Variants in PCDHA6 observed in about 807,000 individuals in gnomAD.
The protein encoded by PCDHA6 is protocadherin alpha-6.
PCDHA6 carries 55 observed loss-of-function variants against 60.3 expected under a neutral mutation model. That is an observed-to-expected ratio of 0.91 (90% CI 0.73 to 1.14). The LOEUF (loss-of-function observed/expected upper bound fraction) is 1.14. PCDHA6 is among the 50% of genes most tolerant of loss of function. The pLI, the probability that PCDHA6 is intolerant of heterozygous loss-of-function variation, is 0.00. For synonymous variants in PCDHA6, 652 were observed against 557.9 expected, an observed-to-expected ratio of 1.17 and a Z score of -2.38; for missense variants, 1,327 against 1,256.5, an observed-to-expected ratio of 1.06 and a Z score of -0.85.
chr5:140,884,176 T>C, intron 1 of PCDHA6: 1 of 1,613,372 alleles, frequency 6.2e-7, no homozygotes, highest in South Asian at 1.1e-5. Flanking sequence ...CGACGCGCCC[T>C]CTGGACGAGG....
At chr5:140,922,661 T>C (rs1255153267) in intron 1 of PCDHA6, among the ~76,000 whole-genome samples, 2 of 152,156 alleles carry the variant, frequency 1.3e-5, no homozygotes, top group African/African-American at 4.8e-5. Context: ...ATGGCTATAC[T>C]GCAAGCAGTA....
At position 140,835,689 on chromosome 5, in the gene PCDHA6, T is replaced by C. The variant is rs2150242026; in HGVS notation, c.2394+5204T>C. The C allele has an allele frequency of 1.2e-5, 19 of 1,613,884 alleles. No homozygotes were observed. The Middle Eastern group carries it at 6.6e-4, about 56-fold the overall frequency. ...GCGGGACGGGGGCTCGCCTTCTCTG[T>C]GGGCCACTGCTAGCGTGTCCGTGGA... On this transcript the variant is annotated intron_variant, in intron 1 of 3. Coordinates refer to ENST00000529310, the MANE Select transcript of PCDHA6 (RefSeq NM_018909.4).
At chr5:140,892,469 A>T (rs557049666) in intron 1 of PCDHA6, among the ~76,000 whole-genome samples, 1 of 152,184 alleles carries the variant, frequency 6.6e-6, no homozygotes, top group Admixed American at 6.5e-5. Context: ...ACGGTTATTC[A>T]GTTTCCTAGC....
chr5:140,924,165 C>G (rs782754845), intron 1 of PCDHA6, among the ~76,000 whole-genome samples: 5 of 152,230 alleles, frequency 3.3e-5, no homozygotes, highest in Admixed American at 1.3e-4. Context: ...ATCCTAATCT[C>G]TGGCACTGAA....
At chr5:140,847,344 C>T (rs1478232751) in intron 1 of PCDHA6, 1 of 149,742 alleles carries the variant, frequency 6.7e-6, no homozygotes, top group African/African-American at 2.4e-5. Context: ...ACCTCTTAGG[C>T]TGTTATCAGT....
chr5:140,877,561 A>G (rs1582392588), intron 1 of PCDHA6: 1 of 1,613,748 alleles, frequency 6.2e-7, no homozygotes. Flanking sequence ...GGTGGATATT[A>G]ACGTGTACCT....
At chr5:140,850,883 T>G in intron 1 of PCDHA6, 1 of 1,582,476 alleles carries the variant, frequency 6.3e-7, no homozygotes, top group Non-Finnish European at 8.6e-7. Context: ...CAGATTCAAC[T>G]GGGAAGGTGG....
Position 140,857,399 on chromosome 5 carries a change from G to A in PCDHA6, c.2394+26914G>A, listed in dbSNP as rs375062704. ...GGAGGTGGCCGACGTGAACGACAAC[G>A]CGCCTGCGTTCGCGCAGTCCGAGTA... On this transcript the variant is annotated intron_variant, in intron 1 of 3. Coordinates refer to ENST00000529310, the MANE Select transcript of PCDHA6 (RefSeq NM_018909.4). 3 of 1,598,394 alleles carry A rather than the reference G, an allele frequency of 1.9e-6. No homozygotes were observed. In the African/African-American group the frequency reaches 4.0e-5, roughly 21 times the overall value.
intron 1 of PCDHA6, among the ~76,000 whole-genome samples, chr5:140,846,800 G>A (rs1554141497): frequency 6.7e-6 from 1 of 149,352 alleles, no homozygotes; most frequent in African/African-American, 2.5e-5. Flanking sequence ...CCCAGCCCCT[G>A]GCTTTAAAAT....
intron 2 of PCDHA6, 91 bp downstream of exon 2, chr5:140,979,098 A>C: frequency 1.3e-6 from 2 of 1,547,480 alleles, no homozygotes; most frequent in East Asian, 2.3e-5. Flanking sequence ...AGCAGCTGTC[A>C]AAACTAAAAA....
At chr5:140,926,740 A>G (rs1291119790) in intron 1 of PCDHA6, 2 of 1,186,206 alleles carry the variant, frequency 1.7e-6, no homozygotes, top group Non-Finnish European at 2.2e-6. Context: ...CGGGAGGCGC[A>G]ACGTCGGCGG....
At chr5:140,849,809 G>A (rs147465571) in intron 1 of PCDHA6, 3 of 1,598,384 alleles carry the variant, frequency 1.9e-6, no homozygotes, top group East Asian at 2.2e-5. Context: ...TGTGGGCCAC[G>A]GCCAGGGTGT....
At position 140,859,135 on chromosome 5, in the gene PCDHA6, A is replaced by G. The variant is rs571097776; in HGVS notation, c.2394+28650A>G. On this transcript the variant is annotated intron_variant, in intron 1 of 3. Coordinates refer to ENST00000529310, the MANE Select transcript of PCDHA6 (RefSeq NM_018909.4). Reference sequence around the variant, plus strand: ...AAATGTATGTTTCTTTTATTTACATAATTTTATCCAGTAGCTCTTCATTAT... The same window carrying G: ...AAATGTATGTTTCTTTTATTTACATGATTTTATCCAGTAGCTCTTCATTAT... The G allele has an allele frequency of 4.0e-5, 6 of 150,216 alleles. No homozygotes were observed. In the East Asian group the frequency reaches 1.2e-3, roughly 29 times the overall value. 9.3% of individuals were successfully genotyped at this position (150,216 alleles called of 1,614,324 possible). A position where few individuals can be genotyped will look rare whatever the true frequency, so the allele number is the denominator to read the frequency against.
chr5:140,982,014 C>A (rs546904836), intron 2 of PCDHA6, among the ~76,000 whole-genome samples: 1 of 152,152 alleles, frequency 6.6e-6, no homozygotes, highest in Admixed American at 6.5e-5. Context: ...AATTAGATAG[C>A]CAAATTGGAA....
At chr5:140,962,076 G>A (rs2095654806) in intron 1 of PCDHA6, among the ~76,000 whole-genome samples, 1 of 151,758 alleles carries the variant, frequency 6.6e-6, no homozygotes. Flanking sequence ...TAGTAGAGAC[G>A]GGGTTTCACC....
intron 1 of PCDHA6, chr5:140,877,042 G>C: frequency 6.2e-7 from 1 of 1,612,636 alleles, no homozygotes; most frequent in Non-Finnish European, 8.5e-7. Context: ...GCAGCCGCTA[G>C]ACCACGAGGA....
chr5:140,852,691 T>A, intron 1 of PCDHA6: 2 of 974,798 alleles, frequency 2.1e-6, no homozygotes, highest in Non-Finnish European at 2.5e-6. Flanking sequence ...TATAGTCTTA[T>A]ACTTTCAAGT....
chr5:140,993,281 C>T (rs2097548459), intron 3 of PCDHA6, among the ~76,000 whole-genome samples: 1 of 152,102 alleles, frequency 6.6e-6, no homozygotes. Flanking sequence ...TCTTTTCTTG[C>T]CCAGGGTCAC....
chr5:140,853,613 A>G, intron 1 of PCDHA6: 1 of 988,108 alleles, frequency 1.0e-6, no homozygotes, highest in Non-Finnish European at 1.2e-6. Context: ...GGGGTGCTGT[A>G]AATAAGTATA....
Sources: gnomAD v4.1 joint callset for allele counts (sites outside exome capture counted in the v4.1 genomes callset) on GRCh38, gnomAD v4.1.1 for gene constraint, MANE v1.5 for transcripts, NCBI Gene and HGNC (gene_info 2026-07-23, HGNC 2026-07-21) for gene names.